The following ADAM23 variants were observed in gnomAD, a reference collection of about 807,000 sequenced individuals.
ADAM23 encodes disintegrin and metalloproteinase domain-containing protein 23.
A neutral mutation model predicts 120.1 loss-of-function variants in ADAM23; 33 were observed. That is an observed-to-expected ratio of 0.27 (90% CI 0.21 to 0.37). ADAM23 has a LOEUF of 0.37. Among genes scored for constraint, ADAM23 ranks in the 10% least tolerant of loss-of-function variants. The probability of loss-of-function intolerance (pLI) is 1.00; values close to 1 mark genes in which losing one functional copy is unlikely to be tolerated. For missense variants in ADAM23, 862 were observed against 1,058.2 expected (o/e 0.81, Z 2.57); for synonymous variants, 367 against 375.2 (o/e 0.98, Z 0.25).
chr2:206,470,248 CAT>C (rs763784479), intron 2 of ADAM23, among the ~76,000 whole-genome samples: 1 of 152,028 alleles, frequency 6.6e-6, no homozygotes, highest in Non-Finnish European at 1.5e-5. Flanking sequence ...ACATAATAGA[CAT>C]ATTCTATTTT....
At chr2:206,467,182 C>T (rs1017237695) in intron 2 of ADAM23, among the ~76,000 whole-genome samples, 4 of 152,326 alleles carry the variant, frequency 2.6e-5, no homozygotes, top group South Asian at 4.1e-4. Context: ...GTGTCCTTTT[C>T]ATATTGCAAA....
intron 3 of ADAM23, among the ~76,000 whole-genome samples, chr2:206,482,092 A>G (rs1490962996): frequency 6.6e-6 from 1 of 152,234 alleles, no homozygotes; most frequent in Admixed American, 6.5e-5. Flanking sequence ...GCTATCAAAC[A>G]CTATAATGTA....
At chr2:206,453,466 A>C (rs181790963) in intron 2 of ADAM23, among the ~76,000 whole-genome samples, 46 of 152,344 alleles carry the variant, frequency 3.0e-4, no homozygotes, top group African/African-American at 1.1e-3. Flanking sequence ...CAAAGTATTC[A>C]GTTCACAATT....
chr2:206,559,146 G>A (rs1478824809), intron 10 of ADAM23, among the ~76,000 whole-genome samples: 2 of 152,040 alleles, frequency 1.3e-5, no homozygotes, highest in Non-Finnish European at 1.5e-5. Flanking sequence ...GGGTTTCACC[G>A]TGTTAGCCAG....
intron 3 of ADAM23, among the ~76,000 whole-genome samples, chr2:206,483,290 C>G (rs1343247325): frequency 6.6e-6 from 1 of 151,990 alleles, no homozygotes; most frequent in African/African-American, 2.4e-5. Flanking sequence ...TGGGCAGTAC[C>G]AGGGAACAAA....
intron 6 of ADAM23, 53 bp downstream of exon 6, chr2:206,543,369 G>C: frequency 6.9e-7 from 1 of 1,443,340 alleles, no homozygotes; most frequent in Non-Finnish European, 9.7e-7. Flanking sequence ...CAGCAACTTT[G>C]TCTTTGAGAA....
intron 6 of ADAM23, among the ~76,000 whole-genome samples, chr2:206,546,923 C>T (rs749546562): frequency 2.6e-5 from 4 of 152,104 alleles, no homozygotes; most frequent in Admixed American, 1.3e-4. Context: ...AATGTTTTCA[C>T]GTTTGTTGAT....
At chr2:206,462,172 G>T (rs1695434815) in intron 2 of ADAM23, among the ~76,000 whole-genome samples, 1 of 152,130 alleles carries the variant, frequency 6.6e-6, no homozygotes, top group Non-Finnish European at 1.5e-5. Flanking sequence ...GTGAAAAACT[G>T]ATGACCAATT....
chr2:206,452,159 T>A (rs548414373), intron 2 of ADAM23, among the ~76,000 whole-genome samples: 1 of 152,350 alleles, frequency 6.6e-6, no homozygotes, highest in South Asian at 2.1e-4. Context: ...CACATGCTGT[T>A]TACTGCAGTG....
chr2:206,593,113 A>C (rs541595971), intron 22 of ADAM23, among the ~76,000 whole-genome samples: 1 of 152,208 alleles, frequency 6.6e-6, no homozygotes, highest in South Asian at 2.1e-4. Flanking sequence ...TTTAAGCTAT[A>C]GTTTATGAAG....
chr2:206,581,625 T>C (rs1698220035), intron 18 of ADAM23, among the ~76,000 whole-genome samples: 1 of 152,174 alleles, frequency 6.6e-6, no homozygotes, highest in Admixed American at 6.5e-5. Context: ...TATTGAGGCT[T>C]GTTTTATGGC....
At chr2:206,530,611 G>T in intron 3 of ADAM23, among the ~76,000 whole-genome samples, 1 of 97,440 alleles carries the variant, frequency 1.0e-5, no homozygotes, top group South Asian at 3.9e-4. Context: ...GCGAGACTCA[G>T]TCTCAAAAAG....
intron 3 of ADAM23, among the ~76,000 whole-genome samples, chr2:206,513,733 A>T (rs898116350): frequency 6.6e-6 from 1 of 152,184 alleles, no homozygotes; most frequent in African/African-American, 2.4e-5. Flanking sequence ...TAGAGAGGAG[A>T]ACTCAAAACC....
intron 17 of ADAM23, 51 bp from the exon 18 acceptor site, chr2:206,573,064 C>T (rs771720026): frequency 6.4e-7 from 1 of 1,568,362 alleles, no homozygotes; most frequent in Non-Finnish European, 8.8e-7. Flanking sequence ...GTTATAATAA[C>T]TCTGAAATAT....
chr2:206,620,946 A>C lies in ADAM23; in HGVS notation c.*3319A>C, dbSNP rs954247766. ...AGTTATCCCATCATGTTTTATAGTC[A>C]TTGTTGCTTCCATTGTTAGTTTCCA... On this transcript the variant is annotated 3_prime_UTR_variant, in exon 26 of 26. Transcript: ENST00000264377. 6.6e-6 allele frequency: 1 copy of C among 152,166 alleles called. No individual in the cohort carries two copies. Among genetic ancestry groups the C allele is most frequent in the African/African-American group, 2.4e-5 (1 of 41,446 alleles). 9.4% of individuals were successfully genotyped at this position (152,166 alleles called of 1,614,324 possible). A position where few individuals can be genotyped will look rare whatever the true frequency, so the allele number is the denominator to read the frequency against.
intron 2 of ADAM23, among the ~76,000 whole-genome samples, chr2:206,452,493 C>T (rs1227516538): frequency 2.6e-5 from 4 of 152,102 alleles, no homozygotes; most frequent in African/African-American, 7.2e-5. Context: ...CACTGTCCTT[C>T]TCTTTACAGT....
chr2:206,551,232 C>T (rs1447808999), intron 9 of ADAM23, among the ~76,000 whole-genome samples: 3 of 151,942 alleles, frequency 2.0e-5, no homozygotes, highest in South Asian at 4.2e-4. Flanking sequence ...AATATTGCCA[C>T]CATAGCTGAT....
chr2:206,598,038 T>A (rs1475386143), intron 24 of ADAM23, among the ~76,000 whole-genome samples: 7 of 152,258 alleles, frequency 4.6e-5, no homozygotes, highest in Non-Finnish European at 1.0e-4. Flanking sequence ...CTCCTTCTTC[T>A]ATTTCTAAAA....
intron 4 of ADAM23, among the ~76,000 whole-genome samples, chr2:206,538,150 T>C (rs1039002493): frequency 6.6e-6 from 1 of 152,208 alleles, no homozygotes; most frequent in African/African-American, 2.4e-5. Flanking sequence ...ACTGTTCTAA[T>C]ACTTTATTAA....
Sources: allele counts gnomAD v4.1 joint callset (sites outside exome capture counted in the v4.1 genomes callset), GRCh38; gene constraint gnomAD v4.1.1; transcripts MANE v1.5; gene names NCBI Gene and HGNC (gene_info 2026-07-23, HGNC 2026-07-21).